Variants in MACROD2 observed in about 807,000 individuals in gnomAD.
The protein encoded by MACROD2 is ADP-ribose glycohydrolase MACROD2.
Under a neutral mutation model 70.4 loss-of-function variants are expected in MACROD2, and 36 were observed. That is an observed-to-expected ratio of 0.51 (90% confidence interval 0.39 to 0.68). The LOEUF is 0.68. MACROD2 is among the 30% of genes least tolerant of loss of function. The probability of loss-of-function intolerance (pLI) is 0.00; values close to 1 mark genes in which losing one functional copy is unlikely to be tolerated. For missense variants in MACROD2, 496 were observed against 538.4 expected (o/e 0.92, Z 0.78); for synonymous variants, 172 against 178.8 (o/e 0.96, Z 0.30).
intron 5 of MACROD2, among the ~76,000 whole-genome samples, chr20:14,891,799 C>T (rs1026494516): frequency 6.6e-6 from 1 of 152,084 alleles, no homozygotes; most frequent in Non-Finnish European, 1.5e-5. Flanking sequence ...AAGATGGGCT[C>T]ATGATTAGTG....
At chr20:14,718,963 G>C (rs1299465527) in intron 5 of MACROD2, among the ~76,000 whole-genome samples, 1 of 152,108 alleles carries the variant, frequency 6.6e-6, no homozygotes, top group Admixed American at 6.5e-5. Flanking sequence ...GCCGGGTGTG[G>C]TGGCTCACGT....
chr20:14,326,951 G>A lies in MACROD2; in HGVS notation c.272-166528G>A. The stretch of plus-strand genomic sequence containing the variant: ...GATGGTGATGAAATAGTGGATATGC[G>A]ATTATCATCCAAGCGTAGTTCTTCT... On this transcript the variant is annotated intron_variant, in intron 3 of 17. Transcript: ENST00000684519. The surrounding 1 kb of genome is among the most constrained non-coding windows in gnomAD (Gnocchi z 5.5). 2 of 1,613,724 alleles carry A rather than the reference G, an allele frequency of 1.2e-6. No homozygotes were observed. The highest frequency in any genetic ancestry group is 1.7e-6 in the Non-Finnish European group (2 of 1,179,768).
At chr20:14,463,628 A>G (rs59677387) in intron 3 of MACROD2, among the ~76,000 whole-genome samples, 97 of 152,066 alleles carry the variant, frequency 6.4e-4, no homozygotes, top group African/African-American at 2.1e-3. Context: ...CAAAGGGAAT[A>G]CTTCCAGTTT....
At chr20:14,534,866 T>A (rs2085346198) in intron 4 of MACROD2, among the ~76,000 whole-genome samples, 1 of 151,254 alleles carries the variant, frequency 6.6e-6, no homozygotes, top group Non-Finnish European at 1.5e-5. Flanking sequence ...TGATGGGGAG[T>A]AGGGGAAGGA....
chr20:15,607,569 T>C (rs6135460), intron 8 of MACROD2, among the ~76,000 whole-genome samples: 29,461 of 152,208 alleles, frequency 0.19, 2,990 homozygotes, highest in South Asian at 0.34. Context: ...AGTCTCCTTC[T>C]GTCACCCAGG....
chr20:15,629,200 T>C (rs1461606260), intron 8 of MACROD2, among the ~76,000 whole-genome samples: 1 of 152,194 alleles, frequency 6.6e-6, no homozygotes, highest in African/African-American at 2.4e-5. Context: ...CTATACTGTT[T>C]TTACAAATTT....
intron 8 of MACROD2, among the ~76,000 whole-genome samples, chr20:15,729,830 G>GTTTTTTTTTTTTTTTTT (rs1487779107): frequency 1.0e-4 from 1 of 10,000 alleles, no homozygotes; most frequent in Non-Finnish European, 2.8e-4. Context: ...GTTGGGTCAT[G>GTTTTTTTTTTTTTTTTT]CTTTTTTTTT....
intron 4 of MACROD2, among the ~76,000 whole-genome samples, chr20:14,560,826 TAA>T (rs1468397665): frequency 6.6e-6 from 1 of 151,896 alleles, no homozygotes; most frequent in Non-Finnish European, 1.5e-5. Context: ...TATATAACAG[TAA>T]ATAAACTAAT....
At chr20:14,784,804 C>T (rs2072347338) in intron 5 of MACROD2, among the ~76,000 whole-genome samples, 1 of 151,980 alleles carries the variant, frequency 6.6e-6, no homozygotes, top group Admixed American at 6.6e-5. Flanking sequence ...AAATAATACT[C>T]CCTGTGCCTT....
intron 5 of MACROD2, among the ~76,000 whole-genome samples, chr20:14,785,158 C>A (rs1001081161): frequency 6.6e-6 from 1 of 151,728 alleles, no homozygotes; most frequent in African/African-American, 2.4e-5. Context: ...CTGTCAGTCT[C>A]TCATGAACAC....
chr20:15,927,985 CACA>C (rs1011036433), intron 10 of MACROD2, among the ~76,000 whole-genome samples: 4 of 152,158 alleles, frequency 2.6e-5, no homozygotes, highest in Non-Finnish European at 5.9e-5. Flanking sequence ...ACTAAAGAGA[CACA>C]ACAACTGAAT....
intron 8 of MACROD2, among the ~76,000 whole-genome samples, chr20:15,816,221 C>A (rs1274201859): frequency 6.6e-6 from 1 of 152,058 alleles, no homozygotes; most frequent in East Asian, 1.9e-4. Flanking sequence ...TGATATATTG[C>A]AAATTATCTG....
chr20:15,596,356 G>A (rs2048746064), intron 8 of MACROD2, among the ~76,000 whole-genome samples: 1 of 152,142 alleles, frequency 6.6e-6, no homozygotes, highest in Non-Finnish European at 1.5e-5. Flanking sequence ...CTCTACTGGG[G>A]CCAGTGAACA....
rs145894694 is a variant in MACROD2, at chr20:15,487,252, T to A, written c.572-12522T>A. On this transcript the variant is annotated intron_variant, in intron 7 of 17. Coordinates refer to ENST00000684519, the MANE Select transcript of MACROD2 (RefSeq NM_001351661.2). ...TGGGAACACTTATCTAATCCAGCAC[T>A]CTCAGAAAGTGATCTAAAAAAGGTG... Among the ~76,000 whole-genome samples, 439 of 152,258 alleles carry A rather than the reference T, an allele frequency of 2.9e-3. 3 individuals carry two copies. The highest frequency in any genetic ancestry group is 0.01 in the African/African-American group (422 of 41,556).
At chr20:14,010,243 G>A (rs1395100118) in intron 2 of MACROD2, among the ~76,000 whole-genome samples, 1 of 152,122 alleles carries the variant, frequency 6.6e-6, no homozygotes, top group Non-Finnish European at 1.5e-5. Context: ...GAGAAAAAGT[G>A]CTATTAAGAT....
intron 3 of MACROD2, among the ~76,000 whole-genome samples, chr20:14,358,649 G>C (rs893976295): frequency 6.6e-6 from 1 of 151,970 alleles, no homozygotes; most frequent in Non-Finnish European, 1.5e-5. Flanking sequence ...GTAGAGACAG[G>C]GTTTTACCAT....
chr20:15,472,632 C>G (rs1401041495), intron 7 of MACROD2, among the ~76,000 whole-genome samples: 1 of 152,042 alleles, frequency 6.6e-6, no homozygotes, highest in East Asian at 1.9e-4. Flanking sequence ...ATTTTCCAGC[C>G]TTTTTTCTCT....
chr20:15,624,699 G>T (rs911796273), intron 8 of MACROD2, among the ~76,000 whole-genome samples: 1 of 152,110 alleles, frequency 6.6e-6, no homozygotes, highest in East Asian at 1.9e-4. Context: ...GAGTTGTTAC[G>T]GTGGAAACAA....
At chr20:14,707,355 AT>A (rs906465926) in intron 5 of MACROD2, among the ~76,000 whole-genome samples, 5 of 151,894 alleles carry the variant, frequency 3.3e-5, no homozygotes, top group African/African-American at 1.2e-4. Flanking sequence ...AGAATCCTTC[AT>A]TTTTTTTACA....
Sources: gnomAD v4.1 joint callset for allele counts (sites outside exome capture counted in the v4.1 genomes callset) on GRCh38, gnomAD v4.1.1 for gene constraint, Gnocchi (gnomAD v3.1) non-coding constraint, MANE v1.5 for transcripts, NCBI Gene and HGNC (gene_info 2026-07-23, HGNC 2026-07-21) for gene names.